CST8: variants seen among roughly 807,000 people sequenced by gnomAD.
CST8 encodes the protein cystatin-8.
Under a neutral mutation model 11.8 loss-of-function variants are expected in CST8, and 20 were observed. The ratio of observed to expected loss-of-function variants is 1.70; its 90% CI spans 1.20 to 2.47. The LOEUF (loss-of-function observed/expected upper bound fraction) is 2.47, where lower values mean the gene tolerates loss of function less well. CST8 is among the 30% of genes most tolerant of loss of function. The pLI is 0.00. For synonymous variants in CST8, 77 were observed against 63.1 expected (o/e 1.22, Z -1.05); for missense variants, 196 against 167.2 (o/e 1.17, Z -0.95).
the CST8 span, among the ~76,000 whole-genome samples, chr20:23,501,496 C>T: frequency 2.6e-5 from 4 of 152,352 alleles, no homozygotes; most frequent in African/African-American, 9.6e-5. Context: ...CCTCCTCAGA[C>T]ACCTACCGCT....
intron 2 of CST8, among the ~76,000 whole-genome samples, chr20:23,492,566 C>G (rs899512846): frequency 6.6e-6 from 1 of 152,178 alleles, no homozygotes; most frequent in Non-Finnish European, 1.5e-5. Context: ...GTCCCCTGGT[C>G]AGGCCTGTGT....
In CST8 at chr20:23,495,939, C is replaced by A. The variant is rs547013395; in HGVS notation, c.*25C>A. The A allele has an allele frequency of 1.9e-4, 285 of 1,539,836 alleles. 2 individuals are homozygous for A. The South Asian group carries it at 3.3e-3, about 18-fold the overall frequency. ...ATGGTGTTTTGAGGCATCCCTCCAA[C>A]CTCTGTGACTACTTTATCCATGAAA... On this transcript the variant is annotated 3_prime_UTR_variant, in exon 4 of 4. Transcript: ENST00000246012.
downstream of CST8, among the ~76,000 whole-genome samples, chr20:23,497,976 CAT>C (rs1212635946): frequency 2.0e-5 from 3 of 151,040 alleles, no homozygotes; most frequent in Non-Finnish European, 2.9e-5. Context: ...CATGGGTGTA[CAT>C]GTGTGTGCAT....
intron 2 of CST8, 73 bp downstream of exon 2, chr20:23,491,971 C>A: frequency 4.1e-6 from 5 of 1,212,428 alleles, no homozygotes; most frequent in Non-Finnish European, 4.8e-6. Flanking sequence ...AAAGAGTGGG[C>A]ATATAAGAAA....
chr20:23,504,051 A>G, the CST8 span, among the ~76,000 whole-genome samples: 2 of 152,260 alleles, frequency 1.3e-5, no homozygotes, highest in Non-Finnish European at 1.5e-5. Flanking sequence ...TTTGCTGTAA[A>G]GGTGAGGAAA....
chr20:23,498,077 A>T (rs1988098203), downstream of CST8, among the ~76,000 whole-genome samples: 1 of 151,872 alleles, frequency 6.6e-6, no homozygotes, highest in South Asian at 2.1e-4. Flanking sequence ...GGACTTGGAG[A>T]AGGAAGTAGC....
chr20:23,505,003 C>A, the CST8 span, among the ~76,000 whole-genome samples: 1 of 152,118 alleles, frequency 6.6e-6, no homozygotes, highest in Admixed American at 6.5e-5. Context: ...CTGTGACTAC[C>A]TTTTCTTGAT....
rs1490468029 is a variant in CST8, at chr20:23,495,997, A to G, written c.*83A>G. 1 of 1,085,480 alleles carries G rather than the reference A, an allele frequency of 9.2e-7. No individual in the cohort carries two copies. Among genetic ancestry groups the G allele is most frequent in the Non-Finnish European group, 1.4e-6 (1 of 725,490 alleles). The allele number at this position is 1,085,480 out of a possible 1,614,324, so 67.2% of individuals were successfully genotyped here. On this transcript the variant is annotated 3_prime_UTR_variant, in exon 4 of 4. Transcript: ENST00000246012. ...AATGGCAGGTGGGAGGCTCTTCCCA[A>G]TGTGCTTTCTTCATGCATGCCTCTC... is the stretch of plus-strand genomic sequence containing the variant.
At position 23,493,045 on chromosome 20, in the gene CST8, A is replaced by T. The variant is rs762688568; in HGVS notation, c.319A>T (p.Ile107Phe). Residue 107 changes from isoleucine (I) to phenylalanine (F), a missense_variant, in exon 3 of 4, where the codon ATT becomes TTT. Transcript: ENST00000246012. ...KPLSTNEICA[I>F]QENSKLKRKL... is the part of the protein sequence containing the mutation. ...TTTAAGCACTAATGAAATCTGCGCC[A>T]TTCAAGAAAACTCCAAGCTGAAAAG... 1 of 1,611,604 alleles carries T rather than the reference A, an allele frequency of 6.2e-7. No homozygotes were observed. Among genetic ancestry groups the T allele is most frequent in the South Asian group, 1.1e-5 (1 of 91,052 alleles).
chr20:23,494,678 T>C (rs1020975754), intron 3 of CST8, among the ~76,000 whole-genome samples: 3 of 152,220 alleles, frequency 2.0e-5, no homozygotes, highest in Non-Finnish European at 4.4e-5. Flanking sequence ...CATTAATCTG[T>C]CACATACACA....
Position 23,492,944 on chromosome 20 carries a change from T to G in CST8, c.232-14T>G. 6.9e-7 allele frequency: 1 copy of G among 1,441,926 alleles called. No homozygotes were observed. The allele number at this position is 1,441,926 out of a possible 1,614,324, so 89.3% of individuals were successfully genotyped here. A position where few individuals can be genotyped will look rare whatever the true frequency, so the allele number is the denominator to read the frequency against. ...AACTCTTTTGAATAAAATTGCATAA[T>G]TGCTAACCAACAGGTCACAAATCTT... On this transcript the variant is annotated splice_polypyrimidine_tract_variant and intron_variant, in intron 2 of 3. Transcript: ENST00000246012.
downstream of CST8, among the ~76,000 whole-genome samples, chr20:23,500,089 C>G (rs1448659371): frequency 6.6e-6 from 1 of 151,658 alleles, no homozygotes; most frequent in Non-Finnish European, 1.5e-5. Context: ...AGGGAGGTGC[C>G]AGGCACATTT....
At position 23,491,864 on chromosome 20, in the gene CST8, T is replaced by G. The variant is rs774118682; in HGVS notation, c.197T>G (p.Phe66Cys). The change falls in exon 2 of 4, where the codon TTC (phenylalanine) becomes TGC (cysteine). Residue 66 changes from phenylalanine (F) to cysteine (C), a missense_variant. Coordinates refer to ENST00000246012, the MANE Select transcript of CST8 (RefSeq NM_005492.4). ...YNKESEDKYV[F>C]LVVKTLQAQL... The stretch of plus-strand genomic sequence containing the variant: ...AAAGAGAGCGAGGACAAGTATGTCT[T>G]CCTGGTGGTCAAGACACTGCAAGCC... The G allele has an allele frequency of 6.2e-7, 1 of 1,614,214 alleles. No homozygotes were observed. The highest frequency in any genetic ancestry group is 1.1e-5 in the South Asian group (1 of 91,090).
the CST8 span, among the ~76,000 whole-genome samples, chr20:23,506,626 A>C: frequency 6.6e-6 from 1 of 152,156 alleles, no homozygotes; most frequent in African/African-American, 2.4e-5. Flanking sequence ...AAGACAACAC[A>C]TAATAGTGTA....
chr20:23,495,371 A>G (rs930328507), intron 3 of CST8, among the ~76,000 whole-genome samples: 1 of 152,152 alleles, frequency 6.6e-6, no homozygotes, highest in African/African-American at 2.4e-5. Flanking sequence ...TTGAGGAATC[A>G]CCTCACTGCT....
chr20:23,494,853 G>C (rs1234365712), intron 3 of CST8, among the ~76,000 whole-genome samples: 1 of 152,172 alleles, frequency 6.6e-6, no homozygotes, highest in Non-Finnish European at 1.5e-5. Context: ...ACACATACAG[G>C]CTTGTTATAT....
At chr20:23,504,083 G>A in the CST8 span, among the ~76,000 whole-genome samples, 1 of 152,196 alleles carries the variant, frequency 6.6e-6, no homozygotes, top group Non-Finnish European at 1.5e-5. Context: ...TTAATCTGAG[G>A]AATGTGAGTC....
At chr20:23,500,894 T>C (rs2983297), downstream of CST8, among the ~76,000 whole-genome samples, 62,441 of 151,436 alleles carry the variant, frequency 0.41, 13,645 homozygotes, top group Non-Finnish European at 0.49. Flanking sequence ...TAACTCCGTC[T>C]AGAAAAAAAA....
chr20:23,505,540 C>T, the CST8 span, among the ~76,000 whole-genome samples: 1 of 152,106 alleles, frequency 6.6e-6, no homozygotes, highest in Non-Finnish European at 1.5e-5. Flanking sequence ...AAAATCACAC[C>T]CCAGCCAAGG....
Sources: gnomAD v4.1 joint callset for allele counts (sites outside exome capture counted in the v4.1 genomes callset) on GRCh38, gnomAD v4.1.1 for gene constraint, MANE v1.5 for transcripts, NCBI Gene and HGNC (gene_info 2026-07-23, HGNC 2026-07-21) for gene names.